PCMTD2: variants seen among roughly 807,000 people sequenced by gnomAD.
The protein encoded by PCMTD2 is protein-L-isoaspartate (D-aspartate) O-methyltransferase domain containing 2.
PCMTD2 carries 16 observed loss-of-function variants against 33.4 expected under a neutral mutation model. The observed-to-expected ratio is 0.48, with a 90% CI of 0.32 to 0.73. The LOEUF is 0.73. Ranked by LOEUF, PCMTD2 falls within the 30% of genes least tolerant of loss-of-function variation. The probability of loss-of-function intolerance (pLI) is 0.03; values close to 1 mark genes in which losing one functional copy is unlikely to be tolerated. For synonymous variants in PCMTD2, 161 were observed against 160.8 expected (o/e 1.00, Z -0.01); for missense variants, 374 against 449.9 (o/e 0.83, Z 1.53).
At chr20:64,272,198 T>TG (rs1985940361) in intron 5 of PCMTD2, 1 of 350,950 alleles carries the variant, frequency 2.8e-6, no homozygotes, top group African/African-American at 2.7e-5. Context: ...ACAGTGGAGA[T>TG]GCTGAGATTC....
intron 4 of PCMTD2, among the ~76,000 whole-genome samples, chr20:64,267,310 G>T (rs780752812): frequency 6.6e-6 from 1 of 152,130 alleles, no homozygotes; most frequent in Non-Finnish European, 1.5e-5. Context: ...TCAGGGCAAG[G>T]CTCATTTAAA....
intron 4 of PCMTD2, among the ~76,000 whole-genome samples, chr20:64,266,106 T>A (rs1985646690): frequency 6.6e-6 from 1 of 152,216 alleles, no homozygotes; most frequent in Admixed American, 6.5e-5. Context: ...TCTTGCTCTG[T>A]CATCCAGGCT....
Position 64,274,140 on chromosome 20 carries a change from G to T in PCMTD2, c.*540G>T, listed in dbSNP as rs1986023502. ...TATCACTGAATTTCTTAGTTTTCTA[G>T]TGGGGAAACATTATTGAGAAGCCCT... On this transcript the variant is annotated 3_prime_UTR_variant, in exon 6 of 6. Coordinates refer to ENST00000308824, the MANE Select transcript of PCMTD2 (RefSeq NM_018257.3). The T allele has an allele frequency of 6.6e-6, 1 of 152,242 alleles. No homozygotes were observed. 9.4% of individuals were successfully genotyped at this position (152,242 alleles called of 1,614,324 possible).
chr20:64,264,283 C>G (rs1051373331), intron 2 of PCMTD2, 146 bp from the exon 3 acceptor site: 1 of 572,076 alleles, frequency 1.7e-6, no homozygotes, highest in Admixed American at 3.3e-5. Context: ...TGTGGTGAGC[C>G]GTGATACTGT....
intron 1 of PCMTD2, among the ~76,000 whole-genome samples, chr20:64,256,095 T>G (rs888673555): frequency 2.0e-5 from 3 of 152,080 alleles, no homozygotes; most frequent in Non-Finnish European, 4.4e-5. Flanking sequence ...TTCCCGTCGG[T>G]CTCTCCCGGT....
At chr20:64,264,586 G>A in intron 3 of PCMTD2, 55 bp downstream of exon 3, 1 of 880,948 alleles carries the variant, frequency 1.1e-6, no homozygotes, top group Non-Finnish European at 1.9e-6. Flanking sequence ...ATTTTACAAA[G>A]TTTTGATCAG....
At chr20:64,264,378 C>G in intron 2 of PCMTD2, 51 bp from the exon 3 acceptor site, 1 of 877,856 alleles carries the variant, frequency 1.1e-6, no homozygotes, top group Non-Finnish European at 2.0e-6. Context: ...AACAGATGAG[C>G]AAGAGTTCTT....
chr20:64,270,229 T>A (rs1210399911), intron 5 of PCMTD2, among the ~76,000 whole-genome samples: 5 of 122,320 alleles, frequency 4.1e-5, no homozygotes, highest in Non-Finnish European at 5.2e-5. Context: ...CGGGGTCATG[T>A]GAGTGCACGG....
chr20:64,260,341 T>G lies in PCMTD2; in HGVS notation c.307+69T>G. The G allele has an allele frequency of 2.7e-6, 3 of 1,121,968 alleles. No individual in the cohort carries two copies. In the South Asian group the frequency reaches 4.1e-5, roughly 16 times the overall value. The allele number at this position is 1,121,968 out of a possible 1,614,324, so 69.5% of individuals were successfully genotyped here. On this transcript the variant is annotated intron_variant, in intron 2 of 5. Coordinates refer to ENST00000308824, the MANE Select transcript of PCMTD2 (RefSeq NM_018257.3). ...AGGAGGCATCTCCTTTGACAGAAAA[T>G]GTAGTCTGCTAATGGCCTGCCTGGG...
chr20:64,265,228 T>A lies in PCMTD2; in HGVS notation c.411-30T>A, dbSNP rs747289483. 5 of 1,556,336 alleles carry A rather than the reference T, an allele frequency of 3.2e-6. No individual in the cohort carries two copies. In the Admixed American group the frequency reaches 7.3e-5, roughly 23 times the overall value. ...ATAGACTTGTTGCAATGTGATACTTTTAGTTGCAGGAAGCATTTTTTACTT... is the reference window on the plus strand; with the variant it reads ...ATAGACTTGTTGCAATGTGATACTTATAGTTGCAGGAAGCATTTTTTACTT... On this transcript the variant is annotated intron_variant, in intron 3 of 5. Coordinates refer to ENST00000308824, the MANE Select transcript of PCMTD2 (RefSeq NM_018257.3).
intron 1 of PCMTD2, chr20:64,256,460 C>T (rs1320786949): frequency 1.3e-5 from 2 of 152,164 alleles, no homozygotes; most frequent in Non-Finnish European, 2.9e-5. Context: ...CAGCGTTGCA[C>T]CTCAAATAAG....
rs759730113 is a variant in PCMTD2 at position 64,273,426 on chromosome 20, C to G, written c.912C>G (p.Asn304Lys). 1 of 1,614,032 alleles carries G rather than the reference C, an allele frequency of 6.2e-7. No homozygotes were observed. The highest frequency in any genetic ancestry group is 8.5e-7 in the Non-Finnish European group (1 of 1,179,932). Residue 304 changes from asparagine to lysine, a missense_variant, in exon 6 of 6, where the codon AAC (asparagine) becomes AAG (lysine). Physicochemically the swap from Asn to Lys is moderately conservative, Grantham distance 94 (BLOSUM62 0). Coordinates refer to ENST00000308824, the MANE Select transcript of PCMTD2 (RefSeq NM_018257.3). ...AAGTCTTTGCCAGTCGGATTTCCAA[C>G]CCCTCAGATGACAACAGCTGTGAAG... ...DKEVFASRIS[N>K]PSDDNSCEDL... is the part of the protein sequence containing the mutation.
chr20:64,269,619 G>A (rs958397603), intron 5 of PCMTD2, among the ~76,000 whole-genome samples: 1 of 152,198 alleles, frequency 6.6e-6, no homozygotes, highest in African/African-American at 2.4e-5. Flanking sequence ...AGACATACGT[G>A]ATATGGGGTC....
chr20:64,258,660 A>G (rs1985268524), intron 1 of PCMTD2: 2 of 152,192 alleles, frequency 1.3e-5, no homozygotes, highest in African/African-American at 4.8e-5. Context: ...GTATTTCTTT[A>G]CGATCCTCAT....
intron 2 of PCMTD2, chr20:64,262,510 T>G (rs1302605598): frequency 6.6e-6 from 1 of 152,398 alleles, no homozygotes; most frequent in Non-Finnish European, 1.5e-5. Context: ...TGGATGCGTG[T>G]CTTGGCTGTG....
chr20:64,268,291 T>C (rs1203918550), intron 5 of PCMTD2, among the ~76,000 whole-genome samples: 2 of 152,218 alleles, frequency 1.3e-5, no homozygotes. Context: ...CATTTTGCCA[T>C]GTGGGAGACT....
intron 5 of PCMTD2, among the ~76,000 whole-genome samples, chr20:64,269,321 A>G (rs1451807251): frequency 1.3e-5 from 2 of 152,210 alleles, no homozygotes; most frequent in East Asian, 1.9e-4. Flanking sequence ...AGGCAGGGGC[A>G]TCTTCGGGGT....
intron 1 of PCMTD2, among the ~76,000 whole-genome samples, chr20:64,258,223 C>T (rs1188192882): frequency 6.6e-6 from 1 of 152,154 alleles, no homozygotes; most frequent in Non-Finnish European, 1.5e-5. Flanking sequence ...TAACCACTGA[C>T]CCAAATTTTA....
rs967758059 is a variant in PCMTD2, at chr20:64,273,856, A to G, written c.*256A>G. On this transcript the variant is annotated 3_prime_UTR_variant, in exon 6 of 6. Transcript: ENST00000308824. ...TTCCCAAAGTGGAGAGAATCTTCAT[A>G]GAGAAAAAGAGAAGGCTGTTTCTTT... 3.1e-5 allele frequency: 11 copies of G among 359,682 alleles called. No homozygotes were observed. The highest frequency in any genetic ancestry group is 2.3e-4 in the African/African-American group (11 of 47,688). 22.3% of individuals were successfully genotyped at this position (359,682 alleles called of 1,614,324 possible).
Sources: gnomAD v4.1 joint callset for allele counts (sites outside exome capture counted in the v4.1 genomes callset) on GRCh38, gnomAD v4.1.1 for gene constraint, MANE v1.5 for transcripts, NCBI Gene and HGNC (gene_info 2026-07-23, HGNC 2026-07-21) for gene names.